The following CBFA2T2 variants were observed in gnomAD, a reference collection of about 807,000 sequenced individuals.
CBFA2T2 encodes CBFA2/RUNX1 partner transcriptional co-repressor 2.
In CBFA2T2, 11 loss-of-function variants were observed where a neutral mutation model predicts 62.2. The ratio of observed to expected loss-of-function variants is 0.18; its 90% CI spans 0.11 to 0.29. The LOEUF (loss-of-function observed/expected upper bound fraction) is 0.29, where lower values mean the gene tolerates loss of function less well. Ranked by LOEUF, CBFA2T2 falls within the 10% of genes least tolerant of loss-of-function variation. CBFA2T2 has a pLI of 1.00. For synonymous variants in CBFA2T2, 295 were observed against 287.5 expected (o/e 1.03, Z -0.27); for missense variants, 592 against 774.1 (o/e 0.76, Z 2.79).
intron 3 of CBFA2T2, among the ~76,000 whole-genome samples, chr20:33,617,471 T>C (rs1204379390): frequency 6.6e-6 from 1 of 152,230 alleles, no homozygotes; most frequent in East Asian, 1.9e-4. Flanking sequence ...ATATCCACTA[T>C]GTATGTAAAC....
chr20:33,532,724 G>A (rs141826103), intron 1 of CBFA2T2, among the ~76,000 whole-genome samples: 212 of 152,290 alleles, frequency 1.4e-3, no homozygotes, highest in African/African-American at 4.8e-3. Flanking sequence ...TGTATTTATC[G>A]GTAAAATAAG....
intron 1 of CBFA2T2, among the ~76,000 whole-genome samples, chr20:33,528,543 C>A (rs1057386753): frequency 6.6e-6 from 1 of 152,118 alleles, no homozygotes; most frequent in African/African-American, 2.4e-5. Flanking sequence ...TTATTATCAG[C>A]CTTTGACTGA....
intron 1 of CBFA2T2, among the ~76,000 whole-genome samples, chr20:33,573,660 TTAA>T (rs1365264457): frequency 1.3e-5 from 2 of 152,098 alleles, no homozygotes; most frequent in Admixed American, 1.3e-4. Context: ...TTTTATATTT[TTAA>T]TAGAGATAGG....
intron 1 of CBFA2T2, among the ~76,000 whole-genome samples, chr20:33,603,712 TTTC>T (rs1219428098): frequency 6.6e-6 from 1 of 152,158 alleles, no homozygotes; most frequent in East Asian, 1.9e-4. Context: ...GGGAAAAGAA[TTTC>T]TTCTTCAACT....
At chr20:33,623,964 AAAAAG>A (rs752671752) in intron 5 of CBFA2T2, 68 of 604,238 alleles carry the variant, frequency 1.1e-4, no homozygotes, top group Middle Eastern at 7.9e-4. Context: ...GAAAAAAAAA[AAAAAG>A]AAAAGAAAAG....
chr20:33,621,067 C>G (rs1415614300), intron 4 of CBFA2T2, among the ~76,000 whole-genome samples: 1 of 152,104 alleles, frequency 6.6e-6, no homozygotes, highest in Non-Finnish European at 1.5e-5. Context: ...TAATCTGGCA[C>G]AGTTACTCAG....
intron 1 of CBFA2T2, among the ~76,000 whole-genome samples, chr20:33,537,053 A>G (rs879413263): frequency 6.7e-6 from 1 of 148,720 alleles, no homozygotes; most frequent in Non-Finnish European, 1.5e-5. Context: ...ATGGGCGGCC[A>G]GGCAGAGATG....
intron 1 of CBFA2T2, among the ~76,000 whole-genome samples, chr20:33,584,012 A>G (rs926331802): frequency 6.6e-6 from 1 of 152,004 alleles, no homozygotes; most frequent in Admixed American, 6.6e-5. Context: ...CGGTGGTATG[A>G]TCTTGGCTCA....
At chr20:33,601,679 TAGATCTAATATAGAA>T (rs1444626450) in intron 1 of CBFA2T2, among the ~76,000 whole-genome samples, 1 of 152,210 alleles carries the variant, frequency 6.6e-6, no homozygotes, top group Non-Finnish European at 1.5e-5. Flanking sequence ...TCTTTATAGA[TAGATCTAATATAGAA>T]AGATCTATAT....
At chr20:33,522,575 A>T (rs2011760053) in intron 1 of CBFA2T2, among the ~76,000 whole-genome samples, 1 of 151,914 alleles carries the variant, frequency 6.6e-6, no homozygotes, top group African/African-American at 2.4e-5. Context: ...AAAAAAAAAA[A>T]ATTAAAAAAA....
Position 33,649,791 on chromosome 20 carries a change from A to G in CBFA2T2, c.*5145A>G, listed in dbSNP as rs2122425253. ...GCTCACAAAAGAAAGCCAATAATGTAAATAAATAGAAAACGAAGCCTCCAC... is the reference window on the plus strand; with the variant it reads ...GCTCACAAAAGAAAGCCAATAATGTGAATAAATAGAAAACGAAGCCTCCAC... On this transcript the variant is annotated 3_prime_UTR_variant, in exon 11 of 11. Transcript: ENST00000342704. The G allele has an allele frequency of 1.3e-5, 2 of 152,728 alleles. No individual in the cohort carries two copies. Among genetic ancestry groups the G allele is most frequent in the Middle Eastern group, 3.4e-3 (1 of 294 alleles). The allele number at this position is 152,728 out of a possible 1,614,324, so 9.5% of individuals were successfully genotyped here.
intron 1 of CBFA2T2, among the ~76,000 whole-genome samples, chr20:33,559,521 T>C (rs1340811504): frequency 6.6e-6 from 1 of 152,058 alleles, no homozygotes; most frequent in Non-Finnish European, 1.5e-5. Context: ...AGGGTCTTCC[T>C]CTGTCACCAG....
chr20:33,636,709 G>A lies in CBFA2T2; in HGVS notation c.1297+1G>A. The A allele has an allele frequency of 6.2e-7, 1 of 1,609,748 alleles. No homozygotes were observed. Among genetic ancestry groups the A allele is most frequent in the Non-Finnish European group, 8.5e-7 (1 of 1,176,190 alleles). On this transcript the variant is annotated splice_donor_variant, in intron 9 of 10. Transcript: ENST00000342704. LOFTEE classifies it high-confidence loss of function. ...CCTGTGGAGTTTTGGAAAAAAACAG[G>A]TATGTGTCTGACTGCTTGTAGGTCA... is the stretch of plus-strand genomic sequence containing the variant.
chr20:33,547,209 AAAAT>A (rs1412383341), intron 1 of CBFA2T2, among the ~76,000 whole-genome samples: 2 of 151,822 alleles, frequency 1.3e-5, no homozygotes, highest in Non-Finnish European at 2.9e-5. Context: ...CAAAAAGAAA[AAAAT>A]AAAAAAGACC....
chr20:33,628,226 T>C (rs866226390), intron 6 of CBFA2T2, 124 bp from the exon 7 acceptor site: 1 of 679,578 alleles, frequency 1.5e-6, no homozygotes, highest in Non-Finnish European at 2.7e-6. Flanking sequence ...CCCCACCCCA[T>C]TGTGAATCAT....
intron 1 of CBFA2T2, among the ~76,000 whole-genome samples, chr20:33,537,376 ACT>A (rs963497102): frequency 4.6e-5 from 7 of 152,222 alleles, no homozygotes; most frequent in Non-Finnish European, 1.5e-5. Flanking sequence ...AATCGCAGGC[ACT>A]CGGCAGGCTG....
At chr20:33,566,584 C>T (rs1216573909) in intron 1 of CBFA2T2, among the ~76,000 whole-genome samples, 1 of 149,422 alleles carries the variant, frequency 6.7e-6, no homozygotes, top group Admixed American at 6.7e-5. Context: ...CCAGCTTGGG[C>T]AACAGAGCAA....
intron 3 of CBFA2T2, among the ~76,000 whole-genome samples, chr20:33,618,126 T>A (rs2015777993): frequency 6.6e-6 from 1 of 152,024 alleles, no homozygotes; most frequent in Non-Finnish European, 1.5e-5. Context: ...GATACATGAC[T>A]CTTGTAATTT....
chr20:33,644,491 G>A lies in CBFA2T2; in HGVS notation c.1633G>A (p.Gly545Ser), dbSNP rs770587126. The A allele has an allele frequency of 8.1e-6, 13 of 1,613,996 alleles. No individual in the cohort carries two copies. Among genetic ancestry groups the A allele is most frequent in the Admixed American group, 3.3e-5 (2 of 60,002 alleles). ...GAACCTGCATGGCCAGAGCCCCCAC[G>A]GCCAGGGCCGGCCGCTGCTTCCTGT... Reference protein sequence around the residue: ...GQNLHGQSPHGQGRPLLPVGR... With the variant: ...GQNLHGQSPHSQGRPLLPVGR... The change falls in exon 11 of 11, where the codon GGC becomes AGC. Residue 545 changes from glycine to serine, a missense_variant. Gly to Ser is a moderately conservative substitution (Grantham distance 56, BLOSUM62 0). This residue lies in a region of CBFA2T2 where 85 missense variants were observed against 99.0 expected (regional missense o/e 0.86). Transcript: ENST00000342704.
Sources: allele counts gnomAD v4.1 joint callset (sites outside exome capture counted in the v4.1 genomes callset), GRCh38; gene constraint gnomAD v4.1.1; regional missense constraint gnomAD v4.1.1; transcripts MANE v1.5; gene names NCBI Gene and HGNC (gene_info 2026-07-23, HGNC 2026-07-21).